Variants in MYO9B observed in about 807,000 individuals in gnomAD.
The protein encoded by MYO9B is myosin IXB.
In MYO9B, 71 loss-of-function variants were observed where a neutral mutation model predicts 229.5. The observed-to-expected ratio is 0.31, with a 90% confidence interval of 0.26 to 0.38. The LOEUF is 0.38. Ranked by LOEUF, MYO9B falls within the 10% of genes least tolerant of loss-of-function variation. MYO9B has a pLI of 1.00. For synonymous variants in MYO9B, 1,185 were observed against 1,235.8 expected (o/e 0.96, Z 0.86); for missense variants, 2,255 against 2,920.5 (o/e 0.77, Z 5.25).
chr19:17,113,832 C>T (rs913305693), intron 2 of MYO9B, among the ~76,000 whole-genome samples: 1 of 152,102 alleles, frequency 6.6e-6, no homozygotes, highest in Non-Finnish European at 1.5e-5. Context: ...GGAGACGGGG[C>T]AGGGCAAACC....
At chr19:17,207,091 C>G (rs376277829) in intron 34 of MYO9B, 22 bp from the exon 35 acceptor site, 4 of 1,610,242 alleles carry the variant, frequency 2.5e-6, no homozygotes, top group Non-Finnish European at 3.4e-6. Context: ...TAGCCATCCT[C>G]TAACTGCCAG....
At chr19:17,144,704 C>T (rs2072385325) in intron 2 of MYO9B, among the ~76,000 whole-genome samples, 1 of 152,008 alleles carries the variant, frequency 6.6e-6, no homozygotes, top group Non-Finnish European at 1.5e-5. Flanking sequence ...GGTGGTGGCT[C>T]ATGCCTATAA....
intron 7 of MYO9B, 80 bp downstream of exon 7, chr19:17,157,118 G>A (rs2072545872): frequency 1.3e-6 from 2 of 1,507,278 alleles, no homozygotes; most frequent in Non-Finnish European, 8.9e-7. Flanking sequence ...ACCATACCCA[G>A]AACTTCCTAC....
At chr19:17,171,206 C>T (rs775790534) in intron 11 of MYO9B, among the ~76,000 whole-genome samples, 3 of 152,188 alleles carry the variant, frequency 2.0e-5, no homozygotes, top group South Asian at 4.1e-4. Flanking sequence ...TCTGGGCATG[C>T]GTTCCGCTGC....
intron 2 of MYO9B, among the ~76,000 whole-genome samples, chr19:17,145,145 G>T (rs551435578): frequency 1.3e-5 from 2 of 151,784 alleles, no homozygotes; most frequent in Admixed American, 6.6e-5. Flanking sequence ...GCATGGTAGC[G>T]CACATCTGTA....
chr19:17,108,626 C>T (rs1052331001), intron 2 of MYO9B, among the ~76,000 whole-genome samples: 2 of 152,294 alleles, frequency 1.3e-5, no homozygotes, highest in South Asian at 2.1e-4. Flanking sequence ...TGAGTTCTTC[C>T]CATAAGACCC....
At chr19:17,126,266 G>C (rs1217590230) in intron 2 of MYO9B, among the ~76,000 whole-genome samples, 1 of 152,132 alleles carries the variant, frequency 6.6e-6, no homozygotes. Context: ...ACGTGACCCT[G>C]TGGACCCATT....
chr19:17,096,094 C>G (rs2057685576), intron 1 of MYO9B, among the ~76,000 whole-genome samples: 1 of 152,136 alleles, frequency 6.6e-6, no homozygotes, highest in Non-Finnish European at 1.5e-5. Flanking sequence ...TTCACTCAGC[C>G]CAACAATTCT....
In MYO9B at chr19:17,191,194, G is replaced by A. The variant is rs1314202610; in HGVS notation, c.2786G>A (p.Arg929Lys). The A allele has an allele frequency of 1.2e-6, 2 of 1,612,236 alleles. No individual in the cohort carries two copies. Among genetic ancestry groups the A allele is most frequent in the East Asian group, 2.2e-5 (1 of 44,830 alleles). ...CTGGAGAAAATGAAGATAGACAAGAGGAACTACCAGATCGGGAAGACCAAG... is the reference window on the plus strand; with the variant it reads ...CTGGAGAAAATGAAGATAGACAAGAAGAACTACCAGATCGGGAAGACCAAG... ...TLLEKMKIDKRNYQIGKTKVF... is the reference protein window; with the variant it reads ...TLLEKMKIDKKNYQIGKTKVF... Residue 929 changes from arginine to lysine, a missense_variant, in exon 20 of 40, where the codon AGG becomes AAG. Coordinates refer to ENST00000682292, the MANE Select transcript of MYO9B (RefSeq NM_004145.4).
At chr19:17,130,614 C>T (rs993001122) in intron 2 of MYO9B, among the ~76,000 whole-genome samples, 12 of 148,528 alleles carry the variant, frequency 8.1e-5, no homozygotes, top group South Asian at 4.3e-4. Context: ...AGCGAGACTC[C>T]GTCTCAAAAA....
intron 1 of MYO9B, among the ~76,000 whole-genome samples, chr19:17,097,764 G>C (rs1307111284): frequency 6.6e-6 from 1 of 152,196 alleles, no homozygotes; most frequent in African/African-American, 2.4e-5. Context: ...CTCAGTCACA[G>C]TGCTGAGTCA....
chr19:17,117,182 C>T (rs187427489), intron 2 of MYO9B, among the ~76,000 whole-genome samples: 2 of 152,200 alleles, frequency 1.3e-5, no homozygotes, highest in Non-Finnish European at 1.5e-5. Context: ...TCGGCGATGT[C>T]AGCCTCAATG....
At chr19:17,169,737 C>T (rs1432830055) in intron 11 of MYO9B, among the ~76,000 whole-genome samples, 1 of 150,698 alleles carries the variant, frequency 6.6e-6, no homozygotes, top group East Asian at 1.9e-4. Context: ...CCCTGCCTCC[C>T]TCTTCCTCTT....
intron 18 of MYO9B, among the ~76,000 whole-genome samples, 168 bp downstream of exon 18, chr19:17,186,169 C>G (rs922294207): frequency 1.3e-5 from 2 of 152,076 alleles, no homozygotes; most frequent in Non-Finnish European, 2.9e-5. Context: ...TCCAAGTGGC[C>G]ATTTAAGAGC....
chr19:17,185,495 A>C (rs1033051694), intron 17 of MYO9B, among the ~76,000 whole-genome samples: 9 of 151,534 alleles, frequency 5.9e-5, no homozygotes, highest in Non-Finnish European at 8.8e-5. Flanking sequence ...GTAGTGAGCC[A>C]AGATCACGCC....
chr19:17,102,495 A>G lies in MYO9B; in HGVS notation c.778A>G (p.Ser260Gly). 6.2e-7 allele frequency: 1 copy of G among 1,613,524 alleles called. No homozygotes were observed. Residue 260 changes from serine to glycine, a missense_variant, in exon 2 of 40, where the codon AGC (serine) becomes GGC (glycine). Transcript: ENST00000682292. ...NFLIHCLTAL[S>G]QKGYASGVER... ...CCTCATCCACTGCCTCACCGCCCTC[A>G]GCCAGAAGGGCTACGCCAGCGGCGT...
At chr19:17,119,779 G>A (rs1415777800) in intron 2 of MYO9B, among the ~76,000 whole-genome samples, 1 of 152,128 alleles carries the variant, frequency 6.6e-6, no homozygotes, top group Non-Finnish European at 1.5e-5. Flanking sequence ...AGCCTCCCAA[G>A]TATCTGGGAC....
At chr19:17,086,116 A>G (rs2057580281) in intron 1 of MYO9B, among the ~76,000 whole-genome samples, 2 of 152,026 alleles carry the variant, frequency 1.3e-5, no homozygotes, top group Admixed American at 1.3e-4. Flanking sequence ...AGATGGTGAC[A>G]TTTTCTTAAT....
chr19:17,121,444 A>AATATATATATATATATATATATATAT (rs59741893), intron 2 of MYO9B, among the ~76,000 whole-genome samples: 167 of 142,554 alleles, frequency 1.2e-3, no homozygotes, highest in Middle Eastern at 3.6e-3. Context: ...ATGTATTCCA[A>AATATATATATATATATATATATATAT]ATATATATAT....
Sources: allele counts gnomAD v4.1 joint callset (sites outside exome capture counted in the v4.1 genomes callset), GRCh38; gene constraint gnomAD v4.1.1; transcripts MANE v1.5; gene names NCBI Gene and HGNC (gene_info 2026-07-23, HGNC 2026-07-21).